Variants in CDK17 observed in about 807,000 individuals in gnomAD.
CDK17 encodes cyclin-dependent kinase 17.
A neutral mutation model predicts 77.6 loss-of-function variants in CDK17; 24 were observed. That is an observed-to-expected ratio of 0.31 (90% confidence interval 0.22 to 0.44). The LOEUF (loss-of-function observed/expected upper bound fraction) is 0.44. CDK17 is among the 20% of genes least tolerant of loss of function. CDK17 has a pLI of 1.00. For synonymous variants in CDK17, 203 were observed against 210.4 expected (o/e 0.96, Z 0.30); for missense variants, 429 against 622.5 (o/e 0.69, Z 3.31).
At chr12:96,365,195 T>A (rs1383714757) in intron 1 of CDK17, among the ~76,000 whole-genome samples, 2 of 152,204 alleles carry the variant, frequency 1.3e-5, no homozygotes, top group Non-Finnish European at 2.9e-5. Context: ...CCTATGCCAA[T>A]CATTAAAATA....
intron 1 of CDK17, among the ~76,000 whole-genome samples, chr12:96,362,702 C>T (rs1371792581): frequency 6.6e-6 from 1 of 152,142 alleles, no homozygotes; most frequent in Admixed American, 6.5e-5. Context: ...CAATTCTTAG[C>T]TCTAGAGATG....
chr12:96,366,170 G>A (rs1953580026), intron 1 of CDK17, among the ~76,000 whole-genome samples: 1 of 152,078 alleles, frequency 6.6e-6, no homozygotes, highest in Non-Finnish European at 1.5e-5. Context: ...TCCTAGACTG[G>A]CCATGTATTT....
intron 6 of CDK17, 42 bp from the exon 7 acceptor site, chr12:96,299,025 A>G: frequency 1.0e-6 from 1 of 984,058 alleles, no homozygotes; most frequent in South Asian, 1.4e-5. Context: ...AAGTATCATA[A>G]GAGTCTATTT....
chr12:96,380,742 G>A (rs1048714726), intron 1 of CDK17, among the ~76,000 whole-genome samples: 5 of 152,046 alleles, frequency 3.3e-5, no homozygotes, highest in African/African-American at 1.2e-4. Flanking sequence ...ATGATATTCT[G>A]CCTAAAAAGT....
Position 96,295,080 on chromosome 12 carries a change from T to G in CDK17, c.916A>C (p.Arg306=). ...AAGTCTCGATGCAATACCTTTCTTCTATGGCAATATGCCAAACCACGTAGA... is the reference window on the plus strand; with the variant it reads ...AAGTCTCGATGCAATACCTTTCTTCGATGGCAATATGCCAAACCACGTAGA... The part of the protein sequence containing the change: ...QILRGLAYCH[R]RKVLHRDLKP... The change falls in exon 10 of 17, where the codon AGA becomes CGA. Residue 306 remains arginine (R), a synonymous_variant. Coordinates refer to ENST00000261211, the MANE Select transcript of CDK17 (RefSeq NM_002595.5). 2 of 1,611,274 alleles carry G rather than the reference T, an allele frequency of 1.2e-6. No homozygotes were observed. Among genetic ancestry groups the G allele is most frequent in the South Asian group, 1.1e-5 (1 of 90,762 alleles).
chr12:96,380,599 A>G (rs1372769333), intron 1 of CDK17, among the ~76,000 whole-genome samples: 1 of 152,056 alleles, frequency 6.6e-6, no homozygotes, highest in African/African-American at 2.4e-5. Flanking sequence ...ATTTTTTAGC[A>G]TTTTCAATAT....
rs1237905076 is a variant in CDK17 at position 96,280,213 on chromosome 12, G to C, written c.*29C>G. 6.5e-7 allele frequency: 1 copy of C among 1,548,312 alleles called. No individual in the cohort carries two copies. Among genetic ancestry groups the C allele is most frequent in the South Asian group, 1.2e-5 (1 of 83,440 alleles). The stretch of plus-strand genomic sequence containing the variant: ...GTCCTTGATTGGTAAGAAAGGCTGG[G>C]GGCTGGGCTTGAAACCATGTTATCA... On this transcript the variant is annotated 3_prime_UTR_variant, in exon 17 of 17. Coordinates refer to ENST00000261211, the MANE Select transcript of CDK17 (RefSeq NM_002595.5).
rs999522090 is a variant in CDK17 at position 96,280,703 on chromosome 12, A to G, written c.1534+105T>C. ...TAAACAGTTGTGGAATGCACTGTAC[A>G]TTGGTTTTTACATCAATAATTTTAC... On this transcript the variant is annotated intron_variant, in intron 16 of 16. Coordinates refer to ENST00000261211, the MANE Select transcript of CDK17 (RefSeq NM_002595.5). 6.5e-6 allele frequency: 10 copies of G among 1,528,710 alleles called. No individual in the cohort carries two copies. In the African/African-American group the frequency reaches 1.1e-4, roughly 17 times the overall value. 94.7% of individuals were successfully genotyped at this position (1,528,710 alleles called of 1,614,324 possible). A position where few individuals can be genotyped will look rare whatever the true frequency, so the allele number is the denominator to read the frequency against.
chr12:96,327,149 G>A (rs7137495), intron 2 of CDK17, among the ~76,000 whole-genome samples: 130,578 of 152,210 alleles, frequency 0.86, 56,041 homozygotes, highest in African/African-American at 0.87. Context: ...TCCAGTATCT[G>A]TTTCCTGGGT....
chr12:96,296,128 AT>A (rs1952401702), intron 9 of CDK17, among the ~76,000 whole-genome samples: 1 of 152,238 alleles, frequency 6.6e-6, no homozygotes, highest in South Asian at 2.1e-4. Context: ...TATAAAGGCC[AT>A]TTAAACAAAT....
At chr12:96,281,137 TGAG>T (rs1373933742) in intron 15 of CDK17, among the ~76,000 whole-genome samples, 5 of 152,218 alleles carry the variant, frequency 3.3e-5, no homozygotes, top group African/African-American at 1.2e-4. Context: ...AGTGTTTCTC[TGAG>T]GAGAATATAC....
intron 13 of CDK17, among the ~76,000 whole-genome samples, chr12:96,285,560 C>T (rs574875572): frequency 6.6e-6 from 1 of 151,916 alleles, no homozygotes; most frequent in East Asian, 1.9e-4. Flanking sequence ...TTATTGGGAG[C>T]CTTGGATTGA....
chr12:96,335,812 A>G (rs951940771), intron 1 of CDK17, among the ~76,000 whole-genome samples: 2 of 152,146 alleles, frequency 1.3e-5, no homozygotes, highest in African/African-American at 4.8e-5. Context: ...CCAAACCCAA[A>G]TTCTTGACCC....
intron 1 of CDK17, among the ~76,000 whole-genome samples, chr12:96,369,476 T>C (rs1953655414): frequency 6.7e-6 from 1 of 148,482 alleles, no homozygotes; most frequent in Admixed American, 6.6e-5. Context: ...GTGGTGAGGA[T>C]TTCTTTTTAA....
intron 4 of CDK17, among the ~76,000 whole-genome samples, chr12:96,312,858 T>G (rs1952661430): frequency 6.6e-6 from 1 of 152,160 alleles, no homozygotes; most frequent in South Asian, 2.1e-4. Context: ...GGACACCCAC[T>G]TTTATAATAT....
chr12:96,360,033 T>C (rs1329395793), intron 1 of CDK17, among the ~76,000 whole-genome samples: 4 of 152,134 alleles, frequency 2.6e-5, no homozygotes, highest in Non-Finnish European at 5.9e-5. Context: ...CTAAAAGGTA[T>C]TAAGACAGAA....
chr12:96,342,783 G>C (rs750313875), intron 1 of CDK17, among the ~76,000 whole-genome samples: 1 of 151,958 alleles, frequency 6.6e-6, no homozygotes, highest in Non-Finnish European at 1.5e-5. Context: ...GATCAACATG[G>C]AGAAACCCCG....
chr12:96,334,752 T>A lies in CDK17; in HGVS notation c.85A>T (p.Met29Leu). 2 of 1,609,654 alleles carry A rather than the reference T, an allele frequency of 1.2e-6. No homozygotes were observed. Among genetic ancestry groups the A allele is most frequent in the South Asian group, 1.1e-5 (1 of 90,990 alleles). ...DESLSELAEQ[M>L]TIEENSSKDN... ...TTGCTGCTGTTTTCTTCAATAGTCA[T>A]TTGTTCAGCCAATTCAGACAATGAT... Residue 29 changes from methionine (M) to leucine (L), a missense_variant, in exon 2 of 17, where the codon ATG (methionine) becomes TTG (leucine). Physicochemically the swap from Met to Leu is conservative, Grantham distance 15. Transcript: ENST00000261211.
intron 1 of CDK17, chr12:96,386,953 C>A: frequency 3.9e-6 from 1 of 257,360 alleles, no homozygotes; most frequent in South Asian, 6.1e-5. Flanking sequence ...ACTTTAGGCT[C>A]AACATCCACA....
Sources: gnomAD v4.1 joint callset for allele counts (sites outside exome capture counted in the v4.1 genomes callset) on GRCh38, gnomAD v4.1.1 for gene constraint, MANE v1.5 for transcripts, NCBI Gene and HGNC (gene_info 2026-07-23, HGNC 2026-07-21) for gene names.